Variants in HS3ST3A1 observed in about 807,000 individuals in gnomAD.
The protein encoded by HS3ST3A1 is heparan sulfate glucosamine 3-O-sulfotransferase 3A1.
In HS3ST3A1, 19 loss-of-function variants were observed where a neutral mutation model predicts 25.7. That is an observed-to-expected ratio of 0.74 (90% CI 0.52 to 1.08). The LOEUF (loss-of-function observed/expected upper bound fraction) is 1.08, where lower values mean the gene tolerates loss of function less well. HS3ST3A1 is among the 50% of genes least tolerant of loss of function. HS3ST3A1 has a pLI of 0.00. For synonymous variants in HS3ST3A1, 226 were observed against 278.6 expected (o/e 0.81, Z 1.88); for missense variants, 459 against 594.3 (o/e 0.77, Z 2.37).
intron 1 of HS3ST3A1, among the ~76,000 whole-genome samples, chr17:13,555,112 C>T (rs1283618565): frequency 6.6e-6 from 1 of 152,144 alleles, no homozygotes; most frequent in African/African-American, 2.4e-5. Flanking sequence ...TACTCCCCAG[C>T]GGTGACCCCC....
At chr17:13,512,493 A>C (rs2024088) in intron 1 of HS3ST3A1, among the ~76,000 whole-genome samples, 16,668 of 152,114 alleles carry the variant, frequency 0.11, 1,172 homozygotes, top group Middle Eastern at 0.2. Context: ...ATTGGATAGC[A>C]GTGGTGGTCA....
chr17:13,507,616 A>G (rs1905726694), intron 1 of HS3ST3A1, among the ~76,000 whole-genome samples: 1 of 152,234 alleles, frequency 6.6e-6, no homozygotes, highest in East Asian at 1.9e-4. Context: ...TTCAAAGGCT[A>G]TCTTCTGCAA....
intron 1 of HS3ST3A1, among the ~76,000 whole-genome samples, chr17:13,499,615 T>C (rs1905396224): frequency 6.6e-6 from 1 of 151,458 alleles, no homozygotes; most frequent in South Asian, 2.1e-4. Context: ...ATGGGTGGGA[T>C]TGGGGTGGGG....
At position 13,495,205 on chromosome 17, in the gene HS3ST3A1, G is replaced by A. The variant is rs550827935; in HGVS notation, c.*992C>T. ...GTAAGTTACGTTCCTAACACATCTT[G>A]TGCTACCCCTAGTGTGGCTGGCCAC... On this transcript the variant is annotated 3_prime_UTR_variant, in exon 2 of 2. Coordinates refer to ENST00000284110, the MANE Select transcript of HS3ST3A1 (RefSeq NM_006042.3). Among the ~76,000 whole-genome samples the A allele has an allele frequency of 6.6e-6, 1 of 151,408 alleles. No homozygotes were observed. The highest frequency in any genetic ancestry group is 2.0e-4 in the East Asian group (1 of 5,122).
intron 1 of HS3ST3A1, among the ~76,000 whole-genome samples, chr17:13,564,888 A>G (rs1374595434): frequency 6.6e-6 from 1 of 151,772 alleles, no homozygotes; most frequent in East Asian, 2.0e-4. Flanking sequence ...CACCCGGCTA[A>G]TTTTTGTATT....
chr17:13,502,939 G>T lies in HS3ST3A1; in HGVS notation c.600-6121C>A, dbSNP rs140492563. Among the ~76,000 whole-genome samples, 766 of 151,372 alleles carry T rather than the reference G, an allele frequency of 5.1e-3. 5 individuals are homozygous for T. Among genetic ancestry groups the T allele is most frequent in the Middle Eastern group, 0.048 (14 of 290 alleles). ...CTCACGCCTATAATCCCAGCACTTTGGGAGGCCAAGGCAGGCCAATCATGA... is the reference window on the plus strand; with the variant it reads ...CTCACGCCTATAATCCCAGCACTTTTGGAGGCCAAGGCAGGCCAATCATGA... On this transcript the variant is annotated intron_variant, in intron 1 of 1. Transcript: ENST00000284110.
chr17:13,563,598 G>C (rs1452305800), intron 1 of HS3ST3A1, among the ~76,000 whole-genome samples: 1 of 152,188 alleles, frequency 6.6e-6, no homozygotes, highest in Non-Finnish European at 1.5e-5. Context: ...CTCTAGAGCA[G>C]CTTCACAGAA....
intron 1 of HS3ST3A1, among the ~76,000 whole-genome samples, chr17:13,556,263 T>C (rs34925326): frequency 0.066 from 10,030 of 152,182 alleles, 432 homozygotes; most frequent in Non-Finnish European, 0.09. Flanking sequence ...ATCCCAGCAC[T>C]TTGGGAGGCC....
intron 1 of HS3ST3A1, among the ~76,000 whole-genome samples, chr17:13,498,625 G>T (rs1905357620): frequency 6.6e-6 from 1 of 152,214 alleles, no homozygotes; most frequent in Non-Finnish European, 1.5e-5. Flanking sequence ...AGGAAGGAAG[G>T]CATGTGCAGA....
At chr17:13,519,834 T>C (rs1048705969) in intron 1 of HS3ST3A1, among the ~76,000 whole-genome samples, 1 of 152,176 alleles carries the variant, frequency 6.6e-6, no homozygotes, top group Admixed American at 6.5e-5. Context: ...TCACCCCACA[T>C]TAAGCTTCAA....
rs1351416048 is a variant in HS3ST3A1 at position 13,601,063 on chromosome 17, G to A, written c.67C>T (p.Arg23Trp). 4 of 1,598,888 alleles carry A rather than the reference G, an allele frequency of 2.5e-6. No individual in the cohort carries two copies. Among genetic ancestry groups the A allele is most frequent in the East Asian group, 2.3e-5 (1 of 43,396 alleles). The change falls in exon 1 of 2, where the codon CGG becomes TGG. Residue 23 changes from arginine (R) to tryptophan (W), a missense_variant. This residue lies in a region of HS3ST3A1 where 346 missense variants were observed against 303.9 expected (regional missense o/e 1.14). Coordinates refer to ENST00000284110, the MANE Select transcript of HS3ST3A1 (RefSeq NM_006042.3). Reference protein sequence around the residue: ...SAEPLSRSIFRKFLLMLCSLL... With the variant: ...SAEPLSRSIFWKFLLMLCSLL... ...GAGCAGAGCATCAGCAAGAACTTCCGGAAGATGCTGCGGGACAGCGGCTCG... is the reference window on the plus strand; with the variant it reads ...GAGCAGAGCATCAGCAAGAACTTCCAGAAGATGCTGCGGGACAGCGGCTCG...
intron 1 of HS3ST3A1, among the ~76,000 whole-genome samples, chr17:13,549,318 C>G (rs1226146232): frequency 1.3e-5 from 2 of 152,206 alleles, no homozygotes; most frequent in Non-Finnish European, 2.9e-5. Flanking sequence ...GGAACAAACT[C>G]TGGACACACC....
chr17:13,538,114 T>C (rs1906823615), intron 1 of HS3ST3A1, among the ~76,000 whole-genome samples: 1 of 152,248 alleles, frequency 6.6e-6, no homozygotes, highest in Admixed American at 6.5e-5. Context: ...ACACATCATC[T>C]CTATAGTGTT....
At chr17:13,506,684 A>G (rs1221740036) in intron 1 of HS3ST3A1, among the ~76,000 whole-genome samples, 1 of 152,152 alleles carries the variant, frequency 6.6e-6, no homozygotes, top group African/African-American at 2.4e-5. Flanking sequence ...AGGTCTCACT[A>G]TATTCCACAA....
At chr17:13,558,802 C>T (rs918503022) in intron 1 of HS3ST3A1, among the ~76,000 whole-genome samples, 7 of 152,014 alleles carry the variant, frequency 4.6e-5, no homozygotes, top group Admixed American at 1.3e-4. Flanking sequence ...AAGCTAAACA[C>T]GGAAGTCTAA....
In HS3ST3A1 at chr17:13,506,370, A is replaced by G. The variant is rs575606584; in HGVS notation, c.600-9552T>C. Reference sequence around the variant, plus strand: ...ATGTCTGTAGGACTTTCCACCTCTAAGATTCCATGTAGGCAGTGGGACTTT... The same window carrying G: ...ATGTCTGTAGGACTTTCCACCTCTAGGATTCCATGTAGGCAGTGGGACTTT... On this transcript the variant is annotated intron_variant, in intron 1 of 1. Coordinates refer to ENST00000284110, the MANE Select transcript of HS3ST3A1 (RefSeq NM_006042.3). Among the ~76,000 whole-genome samples, 3 of 152,258 alleles carry G rather than the reference A, an allele frequency of 2.0e-5. No homozygotes were observed. The South Asian group carries it at 6.2e-4, about 32-fold the overall frequency.
intron 1 of HS3ST3A1, among the ~76,000 whole-genome samples, chr17:13,550,033 C>A (rs1907197867): frequency 6.6e-6 from 1 of 152,136 alleles, no homozygotes; most frequent in Admixed American, 6.5e-5. Context: ...AAACTTGTCT[C>A]ATTTATTCTC....
intron 1 of HS3ST3A1, among the ~76,000 whole-genome samples, chr17:13,515,472 T>C (rs1368261597): frequency 3.4e-5 from 1 of 29,812 alleles, no homozygotes; most frequent in African/African-American, 1.5e-4. Flanking sequence ...TTTGTTTCAG[T>C]TTTTTTTTTT....
chr17:13,505,667 A>T (rs1282657135), intron 1 of HS3ST3A1, among the ~76,000 whole-genome samples: 2 of 151,954 alleles, frequency 1.3e-5, no homozygotes, highest in African/African-American at 4.8e-5. Context: ...GGCGGAAAAG[A>T]ATAAAAATTT....
Sources: gnomAD v4.1 joint callset for allele counts (sites outside exome capture counted in the v4.1 genomes callset) on GRCh38, gnomAD v4.1.1 for gene constraint, gnomAD v4.1.1 regional missense constraint, MANE v1.5 for transcripts, NCBI Gene and HGNC (gene_info 2026-07-23, HGNC 2026-07-21) for gene names.